Variants in MAGI2 observed in about 807,000 individuals in gnomAD.
MAGI2 encodes the protein membrane associated guanylate kinase, WW and PDZ domain containing 2.
Under a neutral mutation model 133.3 loss-of-function variants are expected in MAGI2, and 35 were observed. That is an observed-to-expected ratio of 0.26 (90% confidence interval 0.20 to 0.35). The LOEUF is 0.35. Ranked by LOEUF, MAGI2 falls within the 10% of genes least tolerant of loss-of-function variation. MAGI2 has a pLI of 1.00. For missense variants in MAGI2, 1,636 were observed against 1,863.4 expected (o/e 0.88, Z 2.25); for synonymous variants, 729 against 710.6 (o/e 1.03, Z -0.41).
chr7:78,903,172 C>CTTTTTTTTTTTTTTTTTTTTTTT (rs10526268), intron 2 of MAGI2, among the ~76,000 whole-genome samples: 3 of 56,120 alleles, frequency 5.3e-5, no homozygotes, highest in Non-Finnish European at 9.7e-5. Flanking sequence ...GTTCCTGAAT[C>CTTTTTTTTTTTTTTTTTTTTTTT]TTTTTTTTTT....
intron 3 of MAGI2, among the ~76,000 whole-genome samples, chr7:78,577,028 G>A (rs1484045064): frequency 1.3e-5 from 2 of 152,088 alleles, no homozygotes; most frequent in African/African-American, 4.8e-5. Flanking sequence ...CTGCTTTTTT[G>A]TTATAGGGGT....
intron 2 of MAGI2, among the ~76,000 whole-genome samples, chr7:78,804,764 A>ACAAAAAACAAC: frequency 1.1e-5 from 1 of 90,352 alleles, no homozygotes; most frequent in Admixed American, 1.1e-4. Flanking sequence ...AAAAAAAAAA[A>ACAAAAAACAAC]AAAAAAAACC....
intron 2 of MAGI2, among the ~76,000 whole-genome samples, chr7:78,832,543 C>T (rs1043127567): frequency 2.6e-5 from 4 of 152,184 alleles, no homozygotes; most frequent in Admixed American, 2.6e-4. Flanking sequence ...CTTCACGCTA[C>T]TCTGTTTTCC....
chr7:78,681,741 T>C (rs566735654), intron 2 of MAGI2, among the ~76,000 whole-genome samples: 1 of 152,170 alleles, frequency 6.6e-6, no homozygotes, highest in African/African-American at 2.4e-5. Flanking sequence ...ACTCAGAGAC[T>C]TGACAGAGTA....
At position 78,140,482 on chromosome 7, in the gene MAGI2, G is replaced by A. The variant is rs74525622; in HGVS notation, c.2846-5276C>T. Among the ~76,000 whole-genome samples, 10 of 152,312 alleles carry A rather than the reference G, an allele frequency of 6.6e-5. No homozygotes were observed. In the East Asian group the frequency reaches 1.7e-3, roughly 26 times the overall value. ...CTTACAAGAGGGAAGTTCCTGAAAT[G>A]AGTGTGAGAAAAATAAATACTTCAA... On this transcript the variant is annotated intron_variant, in intron 16 of 21. Coordinates refer to ENST00000354212, the MANE Select transcript of MAGI2 (RefSeq NM_012301.4).
intron 1 of MAGI2, among the ~76,000 whole-genome samples, chr7:79,326,075 A>G (rs1308992322): frequency 1.3e-5 from 2 of 152,138 alleles, no homozygotes; most frequent in African/African-American, 4.8e-5. Context: ...ACACATACAC[A>G]CACTTGGAAG....
At chr7:78,436,106 G>A (rs112800796) in intron 6 of MAGI2, among the ~76,000 whole-genome samples, 2,096 of 152,288 alleles carry the variant, frequency 0.014, 22 homozygotes, top group Non-Finnish European at 0.019. Flanking sequence ...TACAGGTAAA[G>A]AAGTTGGCCT....
chr7:79,061,683 T>G (rs904055932), intron 1 of MAGI2, among the ~76,000 whole-genome samples: 3 of 152,032 alleles, frequency 2.0e-5, no homozygotes, highest in African/African-American at 7.2e-5. Flanking sequence ...CCAATAACAG[T>G]AGATCGAAAA....
intron 2 of MAGI2, among the ~76,000 whole-genome samples, chr7:78,645,737 CTTT>C (rs541719231): frequency 2.9e-4 from 40 of 139,062 alleles, no homozygotes; most frequent in Admixed American, 7.2e-4. Context: ...AATAGCAAAA[CTTT>C]TTTTTTTTTT....
chr7:79,318,882 T>A (rs1838955732), intron 1 of MAGI2, among the ~76,000 whole-genome samples: 1 of 152,180 alleles, frequency 6.6e-6, no homozygotes, highest in Non-Finnish European at 1.5e-5. Flanking sequence ...TCTCTCTGTA[T>A]ATGAATTACA....
chr7:78,596,892 T>A (rs1804661125), intron 3 of MAGI2, among the ~76,000 whole-genome samples: 3 of 152,100 alleles, frequency 2.0e-5, no homozygotes. Context: ...CATAAAATAA[T>A]TAGCTGGAGT....
chr7:79,096,791 C>T (rs887774366), intron 1 of MAGI2, among the ~76,000 whole-genome samples: 3 of 152,170 alleles, frequency 2.0e-5, no homozygotes, highest in African/African-American at 4.8e-5. Flanking sequence ...ACCCCTTCCT[C>T]CAGAGTCCCA....
intron 2 of MAGI2, among the ~76,000 whole-genome samples, chr7:78,805,755 A>G (rs1788523317): frequency 6.6e-6 from 1 of 152,182 alleles, no homozygotes; most frequent in South Asian, 2.1e-4. Flanking sequence ...AAGCAGCCCT[A>G]TGGAAAGGTC....
chr7:78,380,340 C>T (rs1278811445), intron 6 of MAGI2, among the ~76,000 whole-genome samples: 2 of 151,956 alleles, frequency 1.3e-5, no homozygotes, highest in Admixed American at 6.6e-5. Flanking sequence ...TTGGAAACAA[C>T]CTTAAGTGTC....
At chr7:79,174,649 C>T (rs1426570528) in intron 1 of MAGI2, among the ~76,000 whole-genome samples, 1 of 149,396 alleles carries the variant, frequency 6.7e-6, no homozygotes. Context: ...AGCCTGGTCA[C>T]CATAACAAGA....
chr7:78,278,886 C>G (rs1562738197), intron 9 of MAGI2, among the ~76,000 whole-genome samples: 1 of 152,134 alleles, frequency 6.6e-6, no homozygotes, highest in South Asian at 2.1e-4. Context: ...AGAGCACTAG[C>G]TATACAGAGA....
At chr7:79,241,500 C>T (rs1832410034) in intron 1 of MAGI2, among the ~76,000 whole-genome samples, 1 of 151,942 alleles carries the variant, frequency 6.6e-6, no homozygotes, top group Non-Finnish European at 1.5e-5. Flanking sequence ...TGATAATAGT[C>T]TCTTCCTCCC....
intron 1 of MAGI2, among the ~76,000 whole-genome samples, chr7:79,312,065 C>A (rs1838331852): frequency 6.6e-6 from 1 of 152,134 alleles, no homozygotes; most frequent in South Asian, 2.1e-4. Flanking sequence ...TCATGTCACT[C>A]ATCTGTTCAA....
chr7:79,289,574 A>C (rs548652588), intron 1 of MAGI2, among the ~76,000 whole-genome samples: 1 of 152,180 alleles, frequency 6.6e-6, no homozygotes, highest in South Asian at 2.1e-4. Flanking sequence ...ATCCCTGAAT[A>C]TAGATCACCT....
Sources: allele counts gnomAD v4.1 joint callset (sites outside exome capture counted in the v4.1 genomes callset), GRCh38; gene constraint gnomAD v4.1.1; transcripts MANE v1.5; gene names NCBI Gene and HGNC (gene_info 2026-07-23, HGNC 2026-07-21).